PHLDB2: variants seen among roughly 807,000 people sequenced by gnomAD.
PHLDB2 encodes pleckstrin homology like domain family B member 2.
Under a neutral mutation model 123.6 loss-of-function variants are expected in PHLDB2, and 71 were observed. The observed-to-expected ratio is 0.57, with a 90% CI of 0.47 to 0.70. The LOEUF (loss-of-function observed/expected upper bound fraction) is 0.70, where lower values mean the gene tolerates loss of function less well. Ranked by LOEUF, PHLDB2 falls within the 30% of genes least tolerant of loss-of-function variation. PHLDB2 has a pLI of 0.00. For synonymous variants in PHLDB2, 547 were observed against 541.6 expected (o/e 1.01, Z -0.14); for missense variants, 1,446 against 1,519.5 (o/e 0.95, Z 0.80).
chr3:111,956,226 CAA>C (rs1157140273), intron 12 of PHLDB2, among the ~76,000 whole-genome samples: 1 of 152,030 alleles, frequency 6.6e-6, no homozygotes, highest in Non-Finnish European at 1.5e-5. Flanking sequence ...AGTATTTTCT[CAA>C]AGAGTAAGAA....
chr3:111,745,259 C>CA (rs1381910102), intron 1 of PHLDB2, among the ~76,000 whole-genome samples: 4 of 151,946 alleles, frequency 2.6e-5, no homozygotes, highest in African/African-American at 7.3e-5. Context: ...AAATGTAGAG[C>CA]AAAATGACAT....
intron 1 of PHLDB2, among the ~76,000 whole-genome samples, chr3:111,834,153 ATATAT>A (rs1204590235): frequency 1.3e-5 from 1 of 75,214 alleles, no homozygotes; most frequent in Non-Finnish European, 2.6e-5. Context: ...ATAGAATTAT[ATATAT>A]TATATATGTA....
In PHLDB2 at chr3:111,775,672, C is replaced by T. The variant is rs1054566059; in HGVS notation, c.-49+42969C>T. ...TAAATATAAAAGAAACTAGAATACT[C>T]AGGAAATGTAATTATAAAACTAGAG... On this transcript the variant is annotated intron_variant, in intron 1 of 17. Coordinates refer to the PHLDB2 transcript ENST00000393923. Among the ~76,000 whole-genome samples the T allele has an allele frequency of 2.4e-4, 36 of 152,180 alleles. 1 individual carries two copies. Among genetic ancestry groups the T allele is most frequent in the African/African-American group, 8.7e-4 (36 of 41,524 alleles).
At chr3:111,832,122 A>T (rs2063066713) in intron 1 of PHLDB2, among the ~76,000 whole-genome samples, 1 of 152,200 alleles carries the variant, frequency 6.6e-6, no homozygotes, top group South Asian at 2.1e-4. Context: ...CAACCTGGAA[A>T]GCCTGCCCAG....
rs113344141 is a variant in PHLDB2, at chr3:111,939,294, G to A, written c.2131-181G>A. Among the ~76,000 whole-genome samples the A allele has an allele frequency of 7.4e-3, 1,130 of 152,180 alleles. 10 individuals are homozygous for A. The highest frequency in any genetic ancestry group is 0.026 in the African/African-American group (1,073 of 41,518). On this transcript the variant is annotated intron_variant, in intron 6 of 17. Coordinates refer to ENST00000431670, the MANE Select transcript of PHLDB2 (RefSeq NM_001134438.2). ...AGGGTGAAATAAATGCTGCCTTTTC[G>A]ATTCCCTCTAACAGTCACGTTCTGG...
At chr3:111,895,747 G>A (rs1577022961) in intron 2 of PHLDB2, among the ~76,000 whole-genome samples, 2 of 152,276 alleles carry the variant, frequency 1.3e-5, no homozygotes, top group Non-Finnish European at 1.5e-5. Context: ...TACTTCGGAG[G>A]CTGAAGCAGG....
At chr3:111,824,105 T>C (rs529928776) in intron 1 of PHLDB2, among the ~76,000 whole-genome samples, 2 of 152,286 alleles carry the variant, frequency 1.3e-5, no homozygotes, top group Admixed American at 6.5e-5. Context: ...AACCATCCTC[T>C]CTCCTTGCTT....
chr3:111,834,804 C>T (rs1308486900), intron 1 of PHLDB2, among the ~76,000 whole-genome samples: 1 of 152,056 alleles, frequency 6.6e-6, no homozygotes, highest in Admixed American at 6.6e-5. Flanking sequence ...GTAATATCAT[C>T]CTGCAATTTA....
intron 1 of PHLDB2, among the ~76,000 whole-genome samples, chr3:111,780,117 C>T (rs35840064): frequency 0.024 from 3,647 of 151,242 alleles, 63 homozygotes; most frequent in Non-Finnish European, 0.03. Flanking sequence ...GTTTGGAATG[C>T]CCCCACCAAA....
chr3:111,973,806 A>T lies in PHLDB2; in HGVS notation c.3610A>T (p.Asn1204Tyr), dbSNP rs1337271917. The T allele has an allele frequency of 2.5e-6, 4 of 1,574,210 alleles. No individual in the cohort carries two copies. Among genetic ancestry groups the T allele is most frequent in the Non-Finnish European group, 3.5e-6 (4 of 1,149,460 alleles). ...AGAAGTCTATTATGATCACCTCAAG[A>T]ATGCTAATAAGGTAAACATCAGTTT... ...IEEVYYDHLK[N>Y]ANKSPNPLLT... is the part of the protein sequence containing the mutation. Residue 1204 changes from asparagine to tyrosine, a missense_variant, in exon 17 of 18, where the codon AAT becomes TAT. Around this residue, in one of 3 missense-constraint regions of PHLDB2, gnomAD observed 594 missense variants for 646.0 expected, o/e 0.92. Transcript: ENST00000431670.
intron 2 of PHLDB2, among the ~76,000 whole-genome samples, chr3:111,894,934 G>GTA (rs2066732984): frequency 6.6e-6 from 1 of 150,702 alleles, no homozygotes; most frequent in African/African-American, 2.4e-5. Context: ...TGGTTTGCGT[G>GTA]TGTGTGTGTG....
intron 2 of PHLDB2, among the ~76,000 whole-genome samples, chr3:111,853,551 A>G (rs1004571337): frequency 4.6e-5 from 7 of 152,192 alleles, no homozygotes; most frequent in Non-Finnish European, 8.8e-5. Flanking sequence ...CTGTGCAAGG[A>G]ATGGTACCTA....
intron 1 of PHLDB2, among the ~76,000 whole-genome samples, chr3:111,834,950 C>A (rs1390004122): frequency 6.6e-6 from 1 of 152,054 alleles, no homozygotes; most frequent in Non-Finnish European, 1.5e-5. Context: ...TCTTCTCAAA[C>A]CTTGCCTTAT....
chr3:111,930,577 G>A (rs16858904), intron 5 of PHLDB2, among the ~76,000 whole-genome samples: 22,928 of 151,878 alleles, frequency 0.15, 1,978 homozygotes, highest in Non-Finnish European at 0.18. Context: ...CTTAGCCAGA[G>A]GACAACAGAT....
upstream of PHLDB2, among the ~76,000 whole-genome samples, chr3:111,854,791 T>C (rs548072700): frequency 1.3e-5 from 2 of 152,322 alleles, no homozygotes; most frequent in East Asian, 3.9e-4. Context: ...AAACATTTAA[T>C]AGAGACTTAT....
intron 1 of PHLDB2, among the ~76,000 whole-genome samples, chr3:111,790,413 G>A (rs943900745): frequency 3.3e-5 from 5 of 152,144 alleles, no homozygotes; most frequent in South Asian, 2.1e-4. Flanking sequence ...GATCTTGAAA[G>A]GTTTAATATA....
intron 5 of PHLDB2, among the ~76,000 whole-genome samples, chr3:111,924,276 G>C (rs2068693148): frequency 6.6e-6 from 1 of 152,150 alleles, no homozygotes; most frequent in South Asian, 2.1e-4. Flanking sequence ...TATAATTTAT[G>C]TTTGTTTTGA....
intron 1 of PHLDB2, among the ~76,000 whole-genome samples, chr3:111,881,045 C>T (rs2065904982): frequency 6.6e-6 from 1 of 152,090 alleles, no homozygotes; most frequent in Admixed American, 6.5e-5. Flanking sequence ...ATAGGTATGC[C>T]TTTTTTATAG....
intron 1 of PHLDB2, among the ~76,000 whole-genome samples, chr3:111,822,532 C>A (rs73855639): frequency 5.4e-4 from 82 of 152,078 alleles, no homozygotes; most frequent in African/African-American, 2.0e-3. Context: ...GTCTTTAGAC[C>A]ACCACACATT....
Sources: allele counts gnomAD v4.1 joint callset (sites outside exome capture counted in the v4.1 genomes callset), GRCh38; gene constraint gnomAD v4.1.1; regional missense constraint gnomAD v4.1.1; transcripts MANE v1.5; gene names NCBI Gene and HGNC (gene_info 2026-07-23, HGNC 2026-07-21).